Variants in FAM135B observed in about 807,000 individuals in gnomAD.
FAM135B encodes the protein family with sequence similarity 135 member B, also known as protein FAM135B.
Under a neutral mutation model 127.7 loss-of-function variants are expected in FAM135B, and 43 were observed. That is an observed-to-expected ratio of 0.34 (90% CI 0.26 to 0.43). FAM135B has a LOEUF of 0.43. Ranked by LOEUF, FAM135B falls within the 20% of genes least tolerant of loss-of-function variation. The pLI is 1.00. For missense variants in FAM135B, 1,558 were observed against 1,725.6 expected (o/e 0.90, Z 1.72); for synonymous variants, 670 against 665.1 (o/e 1.01, Z -0.11).
At chr8:138,350,002 C>A (rs1829670106) in intron 2 of FAM135B, among the ~76,000 whole-genome samples, 1 of 152,140 alleles carries the variant, frequency 6.6e-6, no homozygotes, top group Non-Finnish European at 1.5e-5. Flanking sequence ...GTGAGGTGGA[C>A]TCTATCGTTA....
chr8:138,418,461 G>C (rs1834295522), intron 1 of FAM135B, among the ~76,000 whole-genome samples: 1 of 151,658 alleles, frequency 6.6e-6, no homozygotes, highest in Non-Finnish European at 1.5e-5. Flanking sequence ...TGCTATACAA[G>C]ATGACCATTC....
At chr8:138,247,713 G>A (rs1424319762) in intron 6 of FAM135B, among the ~76,000 whole-genome samples, 1 of 152,158 alleles carries the variant, frequency 6.6e-6, no homozygotes, top group Non-Finnish European at 1.5e-5. Flanking sequence ...GTAACTTCCA[G>A]TCTAACCAAC....
At chr8:138,455,970 T>C (rs1447394560) in intron 1 of FAM135B, among the ~76,000 whole-genome samples, 1 of 152,210 alleles carries the variant, frequency 6.6e-6, no homozygotes, top group Non-Finnish European at 1.5e-5. Context: ...TGTGTATGAC[T>C]TTTCAGAGCC....
At position 138,151,287 on chromosome 8, in the gene FAM135B, A is replaced by G. The variant is rs2130723283; in HGVS notation, c.3188T>C (p.Leu1063Pro). The G allele has an allele frequency of 6.2e-7, 1 of 1,613,794 alleles. No homozygotes were observed. Among genetic ancestry groups the G allele is most frequent in the Non-Finnish European group, 8.5e-7 (1 of 1,179,902 alleles). ...CAAAGGCTGATGGGTGATGGGAAAC[A>G]GGGTCTGTTTGGAAGAGAATCCAGC... ...ARAGFSSKQT[L>P]FPITHQPLGS... The change falls in exon 13 of 20, where the codon CTG becomes CCG. Residue 1063 changes from leucine to proline, a missense_variant. Leu to Pro is a moderately conservative substitution (Grantham distance 98). Coordinates refer to ENST00000395297, the MANE Select transcript of FAM135B (RefSeq NM_015912.4).
chr8:138,432,418 G>T (rs565664190), intron 1 of FAM135B, among the ~76,000 whole-genome samples: 6 of 152,014 alleles, frequency 3.9e-5, no homozygotes, highest in Non-Finnish European at 8.8e-5. Flanking sequence ...ACTCCAAGCT[G>T]TCTGCTGAAA....
At chr8:138,237,107 G>C (rs1391627974) in intron 7 of FAM135B, among the ~76,000 whole-genome samples, 1 of 151,700 alleles carries the variant, frequency 6.6e-6, no homozygotes, top group Non-Finnish European at 1.5e-5. Context: ...GCCTTCCTTG[G>C]GGAAGAACAG....
chr8:138,255,092 C>G (rs1286394242), intron 5 of FAM135B, among the ~76,000 whole-genome samples: 2 of 141,188 alleles, frequency 1.4e-5, no homozygotes, highest in African/African-American at 5.3e-5. Flanking sequence ...TGCAGTGGTA[C>G]AATCAGGACG....
chr8:138,440,372 G>A (rs1308762776), intron 1 of FAM135B: 1 of 152,086 alleles, frequency 6.6e-6, no homozygotes, highest in African/African-American at 2.4e-5. Flanking sequence ...GCTATTAGGA[G>A]GGAGAAATGG....
intron 1 of FAM135B, among the ~76,000 whole-genome samples, chr8:138,427,877 A>G (rs1834986706): frequency 6.6e-6 from 1 of 152,124 alleles, no homozygotes; most frequent in South Asian, 2.1e-4. Context: ...CATCCCAAAT[A>G]TGCCCCATGG....
chr8:138,363,623 C>T (rs377335924), intron 2 of FAM135B, among the ~76,000 whole-genome samples: 2 of 152,110 alleles, frequency 1.3e-5, no homozygotes, highest in South Asian at 2.1e-4. Context: ...GTTGACTGTT[C>T]GCTCAAAGCC....
intron 2 of FAM135B, among the ~76,000 whole-genome samples, chr8:138,341,034 A>G (rs572252603): frequency 2.6e-5 from 4 of 152,310 alleles, no homozygotes; most frequent in African/African-American, 9.6e-5. Flanking sequence ...AAACTGAAAC[A>G]AAGTACTCAA....
intron 2 of FAM135B, among the ~76,000 whole-genome samples, chr8:138,314,627 T>C (rs1249493608): frequency 1.3e-5 from 2 of 151,398 alleles, no homozygotes; most frequent in Non-Finnish European, 2.9e-5. Context: ...TCCCAGCACT[T>C]TCGGAGGCCG....
At chr8:138,133,021 C>A (rs1322427109) in intron 19 of FAM135B, among the ~76,000 whole-genome samples, 1 of 152,172 alleles carries the variant, frequency 6.6e-6, no homozygotes, top group Non-Finnish European at 1.5e-5. Context: ...TTCCTAATAG[C>A]GGCTTTATGA....
chr8:138,227,051 A>G (rs1458726044), intron 7 of FAM135B, among the ~76,000 whole-genome samples: 2 of 152,154 alleles, frequency 1.3e-5, no homozygotes, highest in Non-Finnish European at 2.9e-5. Flanking sequence ...GCTCCATGAC[A>G]AACTGTCCTG....
At chr8:138,337,875 T>C (rs1325569477) in intron 2 of FAM135B, among the ~76,000 whole-genome samples, 4 of 152,118 alleles carry the variant, frequency 2.6e-5, no homozygotes, top group African/African-American at 9.7e-5. Context: ...AAGGCTACAG[T>C]AACCAAAACA....
At chr8:138,395,051 C>G (rs909262653) in intron 1 of FAM135B, among the ~76,000 whole-genome samples, 3 of 152,182 alleles carry the variant, frequency 2.0e-5, no homozygotes, top group Non-Finnish European at 4.4e-5. Flanking sequence ...CTCTGTTTAA[C>G]CCAGCCCCTG....
intron 7 of FAM135B, among the ~76,000 whole-genome samples, chr8:138,209,231 G>A (rs1817947695): frequency 6.6e-6 from 1 of 151,934 alleles, no homozygotes; most frequent in African/African-American, 2.4e-5. Flanking sequence ...AAGAAATCTG[G>A]GTCACAAACA....
At chr8:138,225,984 A>G (rs1819395984) in intron 7 of FAM135B, among the ~76,000 whole-genome samples, 1 of 152,190 alleles carries the variant, frequency 6.6e-6, no homozygotes, top group Admixed American at 6.5e-5. Flanking sequence ...CCTGGAATTC[A>G]TGTTTAATTA....
chr8:138,197,761 TCACAA>T, intron 7 of FAM135B, 92 bp from the exon 8 acceptor site: 3 of 1,400,706 alleles, frequency 2.1e-6, no homozygotes, highest in Non-Finnish European at 2.0e-6. Context: ...GCACCAACAT[TCACAA>T]AATGTTTGGA....
Sources: gnomAD v4.1 joint callset for allele counts (sites outside exome capture counted in the v4.1 genomes callset) on GRCh38, gnomAD v4.1.1 for gene constraint, MANE v1.5 for transcripts, NCBI Gene and HGNC (gene_info 2026-07-23, HGNC 2026-07-21) for gene names.